Variants in RPS6KA5 observed in about 807,000 individuals in gnomAD.
RPS6KA5 encodes ribosomal protein S6 kinase A5.
Under a neutral mutation model 85.5 loss-of-function variants are expected in RPS6KA5, and 27 were observed. The ratio of observed to expected loss-of-function variants is 0.32; its 90% CI spans 0.23 to 0.44. The LOEUF (loss-of-function observed/expected upper bound fraction) is 0.44. RPS6KA5 is among the 20% of genes least tolerant of loss of function. RPS6KA5 has a pLI of 1.00. For synonymous variants in RPS6KA5, 334 were observed against 348.2 expected (o/e 0.96, Z 0.46); for missense variants, 811 against 980.9 (o/e 0.83, Z 2.31).
chr14:90,984,650 G>C (rs377707894), intron 2 of RPS6KA5, among the ~76,000 whole-genome samples: 2 of 152,298 alleles, frequency 1.3e-5, no homozygotes, highest in African/African-American at 4.8e-5. Flanking sequence ...AAAATTTCTG[G>C]TTCCTTGGAG....
intron 14 of RPS6KA5, among the ~76,000 whole-genome samples, chr14:90,884,977 G>C (rs1017590650): frequency 6.6e-6 from 1 of 152,098 alleles, no homozygotes; most frequent in African/African-American, 2.4e-5. Flanking sequence ...GCAGGGCAGG[G>C]AACAGGGGCT....
At chr14:91,032,195 T>G (rs2042213424) in intron 1 of RPS6KA5, among the ~76,000 whole-genome samples, 1 of 152,140 alleles carries the variant, frequency 6.6e-6, no homozygotes, top group South Asian at 2.1e-4. Flanking sequence ...TAAAGAGGAT[T>G]TCAAAACCTA....
At chr14:91,044,388 A>G (rs866395921) in intron 1 of RPS6KA5, among the ~76,000 whole-genome samples, 3 of 31,756 alleles carry the variant, frequency 9.4e-5, no homozygotes, top group African/African-American at 3.3e-4. Context: ...AAAGAAAGAA[A>G]GAAGGAAAGA....
At chr14:91,011,869 A>G (rs1455716487) in intron 1 of RPS6KA5, among the ~76,000 whole-genome samples, 1 of 152,212 alleles carries the variant, frequency 6.6e-6, no homozygotes, top group Non-Finnish European at 1.5e-5. Context: ...TGGCCTACTC[A>G]ATTATTTTCT....
intron 3 of RPS6KA5, among the ~76,000 whole-genome samples, chr14:90,956,916 T>C (rs1438713803): frequency 6.6e-6 from 1 of 151,144 alleles, no homozygotes; most frequent in Non-Finnish European, 1.5e-5. Context: ...GAAGGGGAAA[T>C]ACATACTTGT....
At chr14:90,931,495 T>G (rs930590838) in intron 5 of RPS6KA5, among the ~76,000 whole-genome samples, 1 of 152,150 alleles carries the variant, frequency 6.6e-6, no homozygotes, top group Non-Finnish European at 1.5e-5. Context: ...CACAAACAGT[T>G]AAGATGGCAA....
At chr14:91,021,169 T>C (rs2139793680) in intron 1 of RPS6KA5, among the ~76,000 whole-genome samples, 1 of 152,286 alleles carries the variant, frequency 6.6e-6, no homozygotes, top group Middle Eastern at 3.4e-3. Flanking sequence ...CACTGACAAT[T>C]CTTGCCTGAA....
At chr14:90,919,365 G>T (rs1212049402) in intron 7 of RPS6KA5, among the ~76,000 whole-genome samples, 1 of 151,938 alleles carries the variant, frequency 6.6e-6, no homozygotes, top group Non-Finnish European at 1.5e-5. Context: ...CATATATTTT[G>T]CCCATTGTTA....
intron 2 of RPS6KA5, among the ~76,000 whole-genome samples, chr14:90,987,964 A>G (rs2040129583): frequency 6.6e-6 from 1 of 151,824 alleles, no homozygotes; most frequent in South Asian, 2.1e-4. Flanking sequence ...GTGTGTGTGT[A>G]TAACATATAC....
intron 1 of RPS6KA5, among the ~76,000 whole-genome samples, chr14:91,010,015 A>T (rs1411848364): frequency 6.6e-6 from 1 of 152,064 alleles, no homozygotes; most frequent in Non-Finnish European, 1.5e-5. Context: ...GAGACACTCT[A>T]ATTTGGTTAG....
In RPS6KA5 at chr14:91,060,389, C is replaced by A. The variant is rs202148951; in HGVS notation, c.46G>T (p.Ala16Ser). The change falls in exon 1 of 17, where the codon GCG becomes TCG. Residue 16 changes from alanine (A) to serine (S), a missense_variant. Around this residue, in one of 3 missense-constraint regions of RPS6KA5, gnomAD observed 113 missense variants for 100.0 expected, o/e 1.13. Coordinates refer to ENST00000614987, the MANE Select transcript of RPS6KA5 (RefSeq NM_004755.4). ...GSSGGAAGTS[A>S]DGGDGGEQLL... Reference sequence around the variant, plus strand: ...TGCTCTCCTCCGTCGCCGCCGTCCGCGCTGGTCCCCGCGGCGCCGCCGCTG... The same window carrying A: ...TGCTCTCCTCCGTCGCCGCCGTCCGAGCTGGTCCCCGCGGCGCCGCCGCTG... The A allele has an allele frequency of 6.1e-3, 9,183 of 1,508,710 alleles. 35 individuals carry two copies. The highest frequency in any genetic ancestry group is 8.1e-3 in the Admixed American group (408 of 50,258). The allele number at this position is 1,508,710 out of a possible 1,614,324, so 93.5% of individuals were successfully genotyped here. A position where few individuals can be genotyped will look rare whatever the true frequency, so the allele number is the denominator to read the frequency against.
intron 10 of RPS6KA5, 23 bp from the exon 11 acceptor site, chr14:90,900,264 T>TAA: frequency 6.6e-7 from 1 of 1,516,524 alleles, no homozygotes; most frequent in Non-Finnish European, 8.8e-7. Flanking sequence ...CAACATCATT[T>TAA]AACTTCAGAA....
chr14:90,948,069 G>A (rs1270449082), intron 3 of RPS6KA5, among the ~76,000 whole-genome samples: 2 of 152,166 alleles, frequency 1.3e-5, no homozygotes, highest in Non-Finnish European at 1.5e-5. Flanking sequence ...AATAGTATAA[G>A]TATTACAACT....
At chr14:91,047,043 T>A in intron 1 of RPS6KA5, among the ~76,000 whole-genome samples, 1 of 120,214 alleles carries the variant, frequency 8.3e-6, no homozygotes. Context: ...CAAGACCCTG[T>A]CTCCAAAAAA....
intron 14 of RPS6KA5, 108 bp downstream of exon 14, chr14:90,890,379 C>A (rs1241198332): frequency 6.3e-6 from 6 of 950,952 alleles, no homozygotes; most frequent in Non-Finnish European, 1.5e-6. Context: ...GAAAAGAAAC[C>A]ACTTTGCCAA....
intron 5 of RPS6KA5, among the ~76,000 whole-genome samples, chr14:90,935,524 T>C (rs2037209031): frequency 6.6e-6 from 1 of 152,222 alleles, no homozygotes; most frequent in African/African-American, 2.4e-5. Context: ...GAGAGGTTAA[T>C]GACGAAGTGA....
chr14:90,860,279 A>G lies in RPS6KA5; in HGVS notation c.*11795T>C, dbSNP rs2032477727. ...TGGGCGCCAGTAGCTCACACCTGTA[A>G]TCCCAGCACTTTGGGAGGCCGAGGT... On this transcript the variant is annotated 3_prime_UTR_variant, in exon 17 of 17. Coordinates refer to ENST00000614987, the MANE Select transcript of RPS6KA5 (RefSeq NM_004755.4). 6.6e-6 allele frequency: 1 copy of G among 152,226 alleles called. No homozygotes were observed. The highest frequency in any genetic ancestry group is 1.9e-4 in the East Asian group (1 of 5,200). 9.4% of individuals were successfully genotyped at this position (152,226 alleles called of 1,614,324 possible).
intron 2 of RPS6KA5, among the ~76,000 whole-genome samples, chr14:90,983,787 T>TTCTCTCTC (rs770148887): frequency 0.017 from 2,240 of 129,238 alleles, 23 homozygotes; most frequent in Non-Finnish European, 0.023. Context: ...CTTTCTTTCT[T>TTCTCTCTC]TCTCTCTCTC....
At chr14:90,954,157 C>T (rs1425941846) in intron 3 of RPS6KA5, among the ~76,000 whole-genome samples, 2 of 152,152 alleles carry the variant, frequency 1.3e-5, no homozygotes, top group East Asian at 1.9e-4. Flanking sequence ...CTCAGCCAGT[C>T]AACACTTATG....
Sources: gnomAD v4.1 joint callset for allele counts (sites outside exome capture counted in the v4.1 genomes callset) on GRCh38, gnomAD v4.1.1 for gene constraint, gnomAD v4.1.1 regional missense constraint, MANE v1.5 for transcripts, NCBI Gene and HGNC (gene_info 2026-07-23, HGNC 2026-07-21) for gene names.